Variants in PWP1 observed in about 807,000 individuals in gnomAD.
PWP1 encodes the protein periodic tryptophan protein 1 homolog.
Under a neutral mutation model 69.9 loss-of-function variants are expected in PWP1, and 47 were observed. The ratio of observed to expected loss-of-function variants is 0.67; its 90% CI spans 0.53 to 0.86. PWP1 has a LOEUF of 0.86. Ranked by LOEUF, PWP1 falls within the 40% of genes least tolerant of loss-of-function variation. PWP1 has a pLI of 0.00. For synonymous variants in PWP1, 222 were observed against 208.2 expected, an observed-to-expected ratio of 1.07 and a Z score of -0.57; for missense variants, 551 against 608.8, an observed-to-expected ratio of 0.91 and a Z score of 1.00.
intron 12 of PWP1, 30 bp downstream of exon 12, chr12:107,709,046 T>C: frequency 1.2e-6 from 2 of 1,613,570 alleles, no homozygotes; most frequent in Admixed American, 3.3e-5. Flanking sequence ...CTTTCATTTT[T>C]CTTAACTTAT....
In PWP1 at chr12:107,709,908, T is replaced by G. The variant is rs149112922; in HGVS notation, c.1291-497T>G. ...ATGCTTACATTTAACTCTAGTAGAT[T>G]ATATCCCAGAACATAAACCGTGGTT... On this transcript the variant is annotated intron_variant, in intron 13 of 14. Transcript: ENST00000412830. Among the ~76,000 whole-genome samples the G allele has an allele frequency of 4.5e-3, 680 of 152,288 alleles. 7 individuals are homozygous for G. The highest frequency in any genetic ancestry group is 0.015 in the African/African-American group (618 of 41,556).
At chr12:107,704,808 T>C in intron 11 of PWP1, 61 bp downstream of exon 11, 1 of 1,321,678 alleles carries the variant, frequency 7.6e-7, no homozygotes, top group Non-Finnish European at 1.1e-6. Flanking sequence ...TTAAATTCCA[T>C]AGTAGAGAGA....
chr12:107,687,371 C>A (rs975598444), intron 1 of PWP1, among the ~76,000 whole-genome samples: 1 of 152,132 alleles, frequency 6.6e-6, no homozygotes, highest in African/African-American at 2.4e-5. Flanking sequence ...AGACTGATTT[C>A]CAAATGAATC....
intron 13 of PWP1, among the ~76,000 whole-genome samples, chr12:107,709,519 T>C (rs1014691081): frequency 6.9e-6 from 1 of 144,426 alleles, no homozygotes; most frequent in South Asian, 2.2e-4. Flanking sequence ...GCTTTTTTTT[T>C]TTTTTTTTAA....
chr12:107,688,808 T>C lies in PWP1; in HGVS notation c.319+6T>C. 4 of 1,611,786 alleles carry C rather than the reference T, an allele frequency of 2.5e-6. No individual in the cohort carries two copies. The highest frequency in any genetic ancestry group is 3.4e-6 in the Non-Finnish European group (4 of 1,178,672). ...TGATGAGGAAGGTGACCCAGGTTAG[T>C]TTATCCACTTCTGATGGTTTGTAAT... On this transcript the variant is annotated splice_donor_region_variant and intron_variant, in intron 3 of 14. Transcript: ENST00000412830.
At chr12:107,703,895 T>A (rs1466522468) in intron 10 of PWP1, 149 bp downstream of exon 10, 1 of 702,164 alleles carries the variant, frequency 1.4e-6, no homozygotes, top group Non-Finnish European at 2.4e-6. Context: ...CTTTTAACTC[T>A]GGTCCTTTCA....
chr12:107,700,582 C>G (rs1479561081), intron 8 of PWP1, among the ~76,000 whole-genome samples: 5 of 152,112 alleles, frequency 3.3e-5, no homozygotes, highest in Non-Finnish European at 7.3e-5. Context: ...GTGTGGTCAC[C>G]TGGATTGCTT....
chr12:107,708,583 A>G (rs1356093101), intron 11 of PWP1, among the ~76,000 whole-genome samples: 1 of 152,028 alleles, frequency 6.6e-6, no homozygotes, highest in African/African-American at 2.4e-5. Flanking sequence ...TCCCTCTCTG[A>G]CTCACTTCTG....
intron 3 of PWP1, among the ~76,000 whole-genome samples, chr12:107,692,086 G>A (rs1889491392): frequency 6.6e-6 from 1 of 152,174 alleles, no homozygotes; most frequent in Non-Finnish European, 1.5e-5. Flanking sequence ...AAATAACCCA[G>A]CCTGGAGAGA....
chr12:107,709,657 G>A (rs1012220887), intron 13 of PWP1, among the ~76,000 whole-genome samples: 3 of 151,870 alleles, frequency 2.0e-5, no homozygotes, highest in Admixed American at 2.0e-4. Context: ...TTACTATATA[G>A]TAGGAAAAAT....
rs1395258540 is a variant in PWP1 at position 107,696,548 on chromosome 12, T to C, written c.577T>C (p.Trp193Arg). The change falls in exon 6 of 15, where the codon TGG becomes CGG. Residue 193 changes from tryptophan (W) to arginine (R), a missense_variant. Coordinates refer to ENST00000412830, the MANE Select transcript of PWP1 (RefSeq NM_007062.3). ...LLSAYPLSVEWLNFDPSPDDS... is the reference protein window; with the variant it reads ...LLSAYPLSVERLNFDPSPDDS... ...GTCTGCATATCCTCTGAGTGTGGAA[T>C]GGCTGAATTTTGATCCTAGCCCAGA... 6.2e-7 allele frequency: 1 copy of C among 1,614,194 alleles called. No homozygotes were observed. Among genetic ancestry groups the C allele is most frequent in the Non-Finnish European group, 8.5e-7 (1 of 1,180,014 alleles).
At chr12:107,698,121 G>C (rs953600401) in intron 7 of PWP1, among the ~76,000 whole-genome samples, 2 of 152,222 alleles carry the variant, frequency 1.3e-5, no homozygotes, top group Non-Finnish European at 2.9e-5. Flanking sequence ...CAGCAGTTTA[G>C]GAGGCTGAGG....
intron 5 of PWP1, among the ~76,000 whole-genome samples, chr12:107,695,475 A>G (rs1889564546): frequency 6.6e-6 from 1 of 152,186 alleles, no homozygotes. Flanking sequence ...TTAATTTATT[A>G]TATATTTACC....
chr12:107,688,829 G>A (rs776219352), intron 3 of PWP1, 27 bp downstream of exon 3: 1 of 1,593,844 alleles, frequency 6.3e-7, no homozygotes, highest in South Asian at 1.1e-5. Flanking sequence ...CTGATGGTTT[G>A]TAATTACAAG....
intron 11 of PWP1, among the ~76,000 whole-genome samples, chr12:107,708,599 G>A (rs1334882736): frequency 2.0e-5 from 3 of 152,136 alleles, no homozygotes; most frequent in African/African-American, 7.2e-5. Flanking sequence ...TTCTGTGGAT[G>A]CTTCCTCAGC....
intron 14 of PWP1, 27 bp from the exon 15 acceptor site, chr12:107,712,084 T>A (rs750698291): frequency 1.3e-6 from 2 of 1,568,622 alleles, no homozygotes; most frequent in Non-Finnish European, 1.8e-6. Flanking sequence ...GATCTGTTAG[T>A]TTCTTACCTG....
intron 3 of PWP1, among the ~76,000 whole-genome samples, chr12:107,689,449 T>C (rs1251133525): frequency 6.6e-6 from 1 of 152,052 alleles, no homozygotes; most frequent in African/African-American, 2.4e-5. Context: ...TTCTTGGAGA[T>C]AATTAGAAAA....
chr12:107,688,870 C>T, intron 3 of PWP1, 68 bp downstream of exon 3: 1 of 1,456,758 alleles, frequency 6.9e-7, no homozygotes, highest in Non-Finnish European at 9.4e-7. Context: ...TTGTGGTGTT[C>T]CAAAGCTTTA....
At chr12:107,704,849 G>C in intron 11 of PWP1, 102 bp downstream of exon 11, 1 of 958,928 alleles carries the variant, frequency 1.0e-6, no homozygotes, top group Non-Finnish European at 1.6e-6. Context: ...TGTTTTAACA[G>C]TATGAAGTAT....
Sources: gnomAD v4.1 joint callset for allele counts (sites outside exome capture counted in the v4.1 genomes callset) on GRCh38, gnomAD v4.1.1 for gene constraint, MANE v1.5 for transcripts, NCBI Gene and HGNC (gene_info 2026-07-23, HGNC 2026-07-21) for gene names.